Variants in PIK3C2G observed in about 807,000 individuals in gnomAD.
The protein encoded by PIK3C2G is phosphatidylinositol 3-kinase C2 domain-containing subunit gamma.
In PIK3C2G, 168 loss-of-function variants were observed where a neutral mutation model predicts 181.1. The ratio of observed to expected loss-of-function variants is 0.93; its 90% confidence interval spans 0.82 to 1.05. PIK3C2G has a LOEUF of 1.05. PIK3C2G is among the 50% of genes least tolerant of loss of function. PIK3C2G has a pLI of 0.00. For missense variants in PIK3C2G, 1,869 were observed against 1,732.8 expected, an observed-to-expected ratio of 1.08 and a Z score of -1.40; for synonymous variants, 573 against 592.2, an observed-to-expected ratio of 0.97 and a Z score of 0.47.
intron 15 of PIK3C2G, among the ~76,000 whole-genome samples, chr12:18,397,762 TC>T (rs1272351045): frequency 1.3e-5 from 2 of 152,106 alleles, no homozygotes; most frequent in African/African-American, 4.8e-5. Context: ...GTCCTTCCTC[TC>T]ATAGATATTT....
chr12:18,725,802 C>T, the PIK3C2G span, among the ~76,000 whole-genome samples: 40 of 151,878 alleles, frequency 2.6e-4, no homozygotes, highest in African/African-American at 8.5e-4. Flanking sequence ...TTTTTCTTTC[C>T]GGAATATCCT....
In PIK3C2G at chr12:18,503,338, G is replaced by C. The variant is rs1353776657; in HGVS notation, c.3074G>C (p.Gly1025Ala). ...VTLAKIHRHS[G>A]LIGPLKENTI... The stretch of plus-strand genomic sequence containing the variant: ...CTAGCAAAGATTCATCGCCATTCTG[G>C]ACTGATAGGACCATTGAAAGAAAAT... Residue 1025 changes from glycine to alanine, a missense_variant, in exon 23 of 33, where the codon GGA becomes GCA. Coordinates refer to ENST00000538779, the MANE Select transcript of PIK3C2G (RefSeq NM_001288772.2). 1 of 1,611,456 alleles carries C rather than the reference G, an allele frequency of 6.2e-7. No homozygotes were observed. Among genetic ancestry groups the C allele is most frequent in the Non-Finnish European group, 8.5e-7 (1 of 1,177,972 alleles).
intron 18 of PIK3C2G, among the ~76,000 whole-genome samples, chr12:18,443,044 T>C (rs189022738): frequency 6.4e-4 from 97 of 152,088 alleles, no homozygotes; most frequent in African/African-American, 2.2e-3. Flanking sequence ...GCTAATTTTT[T>C]GTATTTTTAG....
At chr12:18,264,352 G>A (rs998619211) in intron 1 of PIK3C2G, among the ~76,000 whole-genome samples, 2 of 151,982 alleles carry the variant, frequency 1.3e-5, no homozygotes, top group African/African-American at 2.4e-5. Context: ...TTACTATCAT[G>A]TTCACTCACC....
intron 16 of PIK3C2G, among the ~76,000 whole-genome samples, chr12:18,401,740 G>T (rs760903923): frequency 3.3e-5 from 5 of 152,048 alleles, no homozygotes; most frequent in Non-Finnish European, 5.9e-5. Flanking sequence ...ATACACAAAT[G>T]CCGAACATTT....
chr12:18,640,542 T>G lies in PIK3C2G; in HGVS notation c.4296T>G (p.Thr1432=), dbSNP rs1200835160. The G allele has an allele frequency of 6.3e-7, 1 of 1,597,910 alleles. No individual in the cohort carries two copies. Among genetic ancestry groups the G allele is most frequent in the Admixed American group, 1.7e-5 (1 of 57,970 alleles). Reference sequence around the variant, plus strand: ...CTGTTCCAAAATGTACGGACCCCACTTACAATGAAATTGTAAGTATAAGTC... The same window carrying G: ...CTGTTCCAAAATGTACGGACCCCACGTACAATGAAATTGTAAGTATAAGTC... ...TKSVPKCTDP[T]YNEIVVYDEV... is the part of the protein sequence containing the mutation. The change falls in exon 32 of 33, where the codon ACT becomes ACG. Residue 1432 remains threonine, a synonymous_variant. Coordinates refer to ENST00000538779, the MANE Select transcript of PIK3C2G (RefSeq NM_001288772.2).
chr12:18,318,656 C>G (rs567853925), intron 6 of PIK3C2G, among the ~76,000 whole-genome samples: 1 of 151,874 alleles, frequency 6.6e-6, no homozygotes, highest in African/African-American at 2.4e-5. Flanking sequence ...GATACCATTA[C>G]CTCGCAGTAG....
At chr12:18,559,807 TATATATATATATATAG>T (rs1302760419) in intron 26 of PIK3C2G, among the ~76,000 whole-genome samples, 7 of 41,812 alleles carry the variant, frequency 1.7e-4, no homozygotes, top group East Asian at 7.7e-4. Flanking sequence ...TATATATATA[TATATATATATATATAG>T]AGAGAGAGAG....
intron 6 of PIK3C2G, 121 bp from the exon 7 acceptor site, chr12:18,320,841 G>GA: frequency 4.7e-6 from 3 of 636,002 alleles, no homozygotes; most frequent in Non-Finnish European, 8.4e-6. Context: ...GAATATAAAA[G>GA]CGATGAATGA....
chr12:18,616,183 G>C (rs79654812), intron 31 of PIK3C2G, among the ~76,000 whole-genome samples: 2,093 of 152,056 alleles, frequency 0.014, 64 homozygotes, highest in African/African-American at 0.047. Flanking sequence ...CCATCTATTT[G>C]ATATTCACTG....
At chr12:18,352,771 T>G (rs1940340634) in intron 11 of PIK3C2G, among the ~76,000 whole-genome samples, 1 of 152,194 alleles carries the variant, frequency 6.6e-6, no homozygotes, top group Admixed American at 6.5e-5. Context: ...CTTCTGGAGT[T>G]CAGCCATTCC....
chr12:18,362,006 T>C (rs1471500098), intron 11 of PIK3C2G, among the ~76,000 whole-genome samples: 3 of 151,792 alleles, frequency 2.0e-5, no homozygotes, highest in East Asian at 1.9e-4. Flanking sequence ...TCTCCAGGCA[T>C]CTAGGGTATG....
In PIK3C2G at chr12:18,345,838, T is replaced by G. The variant is rs999854319; in HGVS notation, c.1430-803T>G. On this transcript the variant is annotated intron_variant, in intron 10 of 32. Coordinates refer to ENST00000538779, the MANE Select transcript of PIK3C2G (RefSeq NM_001288772.2). ...TAAAAGCAACTTATAAAGAATTGCA[T>G]GTGTTTGAATAAACAACTGTATCGA... Among the ~76,000 whole-genome samples, 13 of 152,316 alleles carry G rather than the reference T, an allele frequency of 8.5e-5. No homozygotes were observed. The South Asian group carries it at 2.7e-3, about 32-fold the overall frequency.
intron 31 of PIK3C2G, among the ~76,000 whole-genome samples, chr12:18,629,018 A>G (rs927352063): frequency 5.3e-5 from 8 of 152,232 alleles, no homozygotes; most frequent in African/African-American, 1.9e-4. Context: ...AAATTGTGGT[A>G]ACAAGAGCAT....
At chr12:18,419,402 T>C (rs1945352084) in intron 16 of PIK3C2G, among the ~76,000 whole-genome samples, 1 of 152,198 alleles carries the variant, frequency 6.6e-6, no homozygotes, top group African/African-American at 2.4e-5. Context: ...CAAACTGTCC[T>C]CACACTGACC....
At chr12:18,590,238 C>T (rs1947007435) in intron 29 of PIK3C2G, among the ~76,000 whole-genome samples, 1 of 151,496 alleles carries the variant, frequency 6.6e-6, no homozygotes, top group Non-Finnish European at 1.5e-5. Flanking sequence ...AGTGACATTG[C>T]CCATTAATTT....
At chr12:18,338,363 G>T in intron 8 of PIK3C2G, 63 bp from the exon 9 acceptor site, 1 of 1,258,864 alleles carries the variant, frequency 7.9e-7, no homozygotes, top group East Asian at 2.4e-5. Context: ...GAAGTTTGAG[G>T]ATAAATTAAT....
At chr12:18,408,388 T>C (rs1465748137) in intron 16 of PIK3C2G, among the ~76,000 whole-genome samples, 2 of 152,202 alleles carry the variant, frequency 1.3e-5, no homozygotes, top group African/African-American at 2.4e-5. Context: ...TCTGGCATTA[T>C]TTCTGAGGCC....
the PIK3C2G span, chr12:18,696,322 CTATATATATATATATATATATA>C: frequency 3.7e-5 from 10 of 267,852 alleles, 1 homozygote; most frequent in Non-Finnish European, 4.4e-5. Flanking sequence ...TAAAAAGCCA[CTATATATATATATATATATATA>C]TATATATCAT....
Sources: allele counts gnomAD v4.1 joint callset (sites outside exome capture counted in the v4.1 genomes callset), GRCh38; gene constraint gnomAD v4.1.1; transcripts MANE v1.5; gene names NCBI Gene and HGNC (gene_info 2026-07-23, HGNC 2026-07-21).